Variants in GRIA4 observed in about 807,000 individuals in gnomAD.
The protein encoded by GRIA4 is glutamate ionotropic receptor AMPA type subunit 4, also known as glutamate receptor 4.
Under a neutral mutation model 104.0 loss-of-function variants are expected in GRIA4, and 34 were observed. The observed-to-expected ratio is 0.33, with a 90% CI of 0.25 to 0.44. The LOEUF is 0.44. Among genes scored for constraint, GRIA4 ranks in the 20% least tolerant of loss-of-function variants. The pLI, the probability that GRIA4 is intolerant of heterozygous loss-of-function variation, is 1.00. For synonymous variants in GRIA4, 386 were observed against 381.9 expected, an observed-to-expected ratio of 1.01 and a Z score of -0.13; for missense variants, 750 against 1,096.5, an observed-to-expected ratio of 0.68 and a Z score of 4.46.
intron 3 of GRIA4, among the ~76,000 whole-genome samples, chr11:105,629,139 G>A (rs759834548): frequency 9.9e-5 from 15 of 151,472 alleles, no homozygotes; most frequent in Non-Finnish European, 1.0e-4. Context: ...TACTCAGGAG[G>A]CTGAGGCAGC....
intron 7 of GRIA4, among the ~76,000 whole-genome samples, chr11:105,901,604 A>G (rs2136137614): frequency 1.3e-5 from 2 of 152,296 alleles, no homozygotes; most frequent in Middle Eastern, 6.8e-3. Context: ...AAAAGGTAAA[A>G]CTGATTTAAA....
At chr11:105,727,507 A>T (rs1003065742) in intron 3 of GRIA4, among the ~76,000 whole-genome samples, 4 of 152,168 alleles carry the variant, frequency 2.6e-5, no homozygotes, top group Non-Finnish European at 5.9e-5. Context: ...GCCAACATTC[A>T]AATTCAGGAA....
chr11:105,807,252 TTAAC>T (rs1942990212), intron 4 of GRIA4, among the ~76,000 whole-genome samples: 1 of 151,952 alleles, frequency 6.6e-6, no homozygotes, highest in Admixed American at 6.6e-5. Context: ...CATTGTGTAT[TTAAC>T]TATCTCAAAA....
At chr11:105,890,512 C>T (rs1322884483) in intron 6 of GRIA4, among the ~76,000 whole-genome samples, 2 of 152,176 alleles carry the variant, frequency 1.3e-5, no homozygotes, top group African/African-American at 2.4e-5. Context: ...AACTTTTCTT[C>T]TTCAATTAAC....
chr11:105,907,129 G>T (rs1168032597), intron 9 of GRIA4, among the ~76,000 whole-genome samples: 3 of 152,192 alleles, frequency 2.0e-5, no homozygotes, highest in Non-Finnish European at 4.4e-5. Flanking sequence ...GTAATATGAA[G>T]TGGGCTATTC....
chr11:105,850,332 C>A (rs1396607933), intron 4 of GRIA4, among the ~76,000 whole-genome samples: 1 of 152,140 alleles, frequency 6.6e-6, no homozygotes, highest in Non-Finnish European at 1.5e-5. Flanking sequence ...AATACCTATT[C>A]AGAAAACTTG....
chr11:105,951,765 A>G (rs1441625424), intron 14 of GRIA4, among the ~76,000 whole-genome samples: 1 of 152,046 alleles, frequency 6.6e-6, no homozygotes, highest in Non-Finnish European at 1.5e-5. Context: ...CGAGACCAGC[A>G]TGGGCAACAT....
At chr11:105,927,307 G>A (rs931054890) in intron 13 of GRIA4, among the ~76,000 whole-genome samples, 7 of 152,014 alleles carry the variant, frequency 4.6e-5, no homozygotes, top group African/African-American at 1.7e-4. Context: ...AAAACTTGAC[G>A]TTTGAAGAAT....
chr11:105,884,735 C>T (rs1420496733), intron 5 of GRIA4, among the ~76,000 whole-genome samples: 1 of 152,136 alleles, frequency 6.6e-6, no homozygotes, highest in Non-Finnish European at 1.5e-5. Flanking sequence ...ATTATAAGTC[C>T]TCACTCTTTG....
At chr11:105,620,896 C>T (rs1035080425) in intron 3 of GRIA4, among the ~76,000 whole-genome samples, 3 of 151,590 alleles carry the variant, frequency 2.0e-5, no homozygotes, top group African/African-American at 7.3e-5. Flanking sequence ...CAAGTATTTT[C>T]TTTCCATTTT....
intron 10 of GRIA4, among the ~76,000 whole-genome samples, chr11:105,917,663 C>T (rs1947443559): frequency 6.6e-6 from 1 of 152,062 alleles, no homozygotes; most frequent in Non-Finnish European, 1.5e-5. Flanking sequence ...CTGCAAATGA[C>T]TGGAAAAACT....
intron 4 of GRIA4, among the ~76,000 whole-genome samples, chr11:105,812,802 C>T (rs117260814): frequency 0.023 from 3,490 of 152,134 alleles, 58 homozygotes; most frequent in Middle Eastern, 0.068. Context: ...TTGATTCTTA[C>T]TTAAAAGAAA....
intron 3 of GRIA4, among the ~76,000 whole-genome samples, chr11:105,687,445 C>T (rs542158329): frequency 3.5e-4 from 54 of 152,272 alleles, no homozygotes; most frequent in African/African-American, 1.3e-3. Context: ...TTGAAAGAGA[C>T]AGATGCTGAA....
chr11:105,718,684 T>C (rs1406869146), intron 3 of GRIA4, among the ~76,000 whole-genome samples: 4 of 152,290 alleles, frequency 2.6e-5, no homozygotes, highest in Admixed American at 2.0e-4. Context: ...TGTCTCGACC[T>C]AGTTAAGGAA....
chr11:105,885,716 G>C (rs1257966844), intron 5 of GRIA4, among the ~76,000 whole-genome samples: 1 of 152,248 alleles, frequency 6.6e-6, no homozygotes, highest in Non-Finnish European at 1.5e-5. Flanking sequence ...CCTAGGCTTA[G>C]TTTGGTGAGG....
At chr11:105,704,346 A>C (rs1015266912) in intron 3 of GRIA4, among the ~76,000 whole-genome samples, 3 of 152,130 alleles carry the variant, frequency 2.0e-5, no homozygotes, top group Admixed American at 2.0e-4. Context: ...AATTGACTAG[A>C]TAAGGAGGTA....
chr11:105,638,533 G>A (rs1164688955), intron 3 of GRIA4, among the ~76,000 whole-genome samples: 2 of 108,192 alleles, frequency 1.8e-5, no homozygotes, highest in Non-Finnish European at 4.2e-5. Context: ...TACGAGGTGC[G>A]CGTGTATGTG....
At chr11:105,658,091 T>A (rs1374264345) in intron 3 of GRIA4, among the ~76,000 whole-genome samples, 1 of 151,880 alleles carries the variant, frequency 6.6e-6, no homozygotes, top group African/African-American at 2.4e-5. Context: ...AGAATTTTTT[T>A]AAAGTTTAAG....
chr11:105,858,985 C>T (rs190999047), intron 4 of GRIA4, among the ~76,000 whole-genome samples: 160 of 152,220 alleles, frequency 1.1e-3, no homozygotes, highest in Non-Finnish European at 1.8e-3. Flanking sequence ...CTGCAGTATT[C>T]ATTCTTTGGC....
Sources: gnomAD v4.1 joint callset for allele counts (sites outside exome capture counted in the v4.1 genomes callset) on GRCh38, gnomAD v4.1.1 for gene constraint, MANE v1.5 for transcripts, NCBI Gene and HGNC (gene_info 2026-07-23, HGNC 2026-07-21) for gene names.